Variants in ARHGAP20 observed in about 807,000 individuals in gnomAD.
The protein encoded by ARHGAP20 is rho GTPase-activating protein 20.
ARHGAP20 carries 34 observed loss-of-function variants against 73.7 expected under a neutral mutation model. The ratio of observed to expected loss-of-function variants is 0.46; its 90% CI spans 0.35 to 0.61. ARHGAP20 has a LOEUF of 0.61. Among genes scored for constraint, ARHGAP20 ranks in the 20% least tolerant of loss-of-function variants. The probability of loss-of-function intolerance (pLI) is 0.00; values close to 1 mark genes in which losing one functional copy is unlikely to be tolerated. For missense variants in ARHGAP20, 1,314 were observed against 1,420.9 expected (o/e 0.92, Z 1.21); for synonymous variants, 523 against 518.2 (o/e 1.01, Z -0.13).
intron 2 of ARHGAP20, among the ~76,000 whole-genome samples, chr11:110,661,712 TAAATTA>T (rs1591152314): frequency 6.6e-6 from 1 of 152,114 alleles, no homozygotes; most frequent in Non-Finnish European, 1.5e-5. Context: ...AATAGATATT[TAAATTA>T]AAAGTACTCT....
At chr11:110,608,657 T>G (rs958172934) in intron 8 of ARHGAP20, among the ~76,000 whole-genome samples, 1 of 152,038 alleles carries the variant, frequency 6.6e-6, no homozygotes, top group African/African-American at 2.4e-5. Context: ...GAAAAATAAA[T>G]GTATGGAGAA....
intron 9 of ARHGAP20, among the ~76,000 whole-genome samples, chr11:110,599,806 G>T (rs1204101612): frequency 6.6e-6 from 1 of 151,988 alleles, no homozygotes; most frequent in Non-Finnish European, 1.5e-5. Flanking sequence ...GACAGCTGCA[G>T]ATGTGAGGAT....
At chr11:110,620,734 A>AAG (rs1948610712) in intron 4 of ARHGAP20, among the ~76,000 whole-genome samples, 1 of 152,184 alleles carries the variant, frequency 6.6e-6, no homozygotes, top group African/African-American at 2.4e-5. Flanking sequence ...TTTTTGCTGA[A>AAG]TACTGTATTC....
At chr11:110,674,138 G>A (rs1294242608) in intron 2 of ARHGAP20, among the ~76,000 whole-genome samples, 2 of 152,022 alleles carry the variant, frequency 1.3e-5, no homozygotes, top group Non-Finnish European at 2.9e-5. Flanking sequence ...GTTTCACCAT[G>A]TTGGCCAGGA....
At chr11:110,612,193 C>A (rs891922600) in intron 6 of ARHGAP20, among the ~76,000 whole-genome samples, 3 of 151,200 alleles carry the variant, frequency 2.0e-5, no homozygotes, top group Non-Finnish European at 4.4e-5. Flanking sequence ...CCGAGGTGGG[C>A]GGGTCATGAG....
intron 1 of ARHGAP20, among the ~76,000 whole-genome samples, chr11:110,694,169 TGAA>T (rs1950293813): frequency 6.6e-6 from 1 of 151,790 alleles, no homozygotes; most frequent in Non-Finnish European, 1.5e-5. Context: ...CAAACAAATA[TGAA>T]GTAGTACCTA....
At chr11:110,614,734 T>C in intron 5 of ARHGAP20, 89 bp from the exon 6 acceptor site, 4 of 835,062 alleles carry the variant, frequency 4.8e-6, no homozygotes. Context: ...ATTTTGCTAA[T>C]ATTTCCAATA....
chr11:110,645,088 C>T (rs1043803634), intron 2 of ARHGAP20, among the ~76,000 whole-genome samples: 1 of 151,992 alleles, frequency 6.6e-6, no homozygotes, highest in African/African-American at 2.4e-5. Context: ...TGGCTCACTG[C>T]AACCTCTGCC....
At chr11:110,702,710 G>A (rs1318621683) in intron 1 of ARHGAP20, among the ~76,000 whole-genome samples, 2 of 152,226 alleles carry the variant, frequency 1.3e-5, no homozygotes, top group Admixed American at 1.3e-4. Flanking sequence ...ATCAATGTGT[G>A]AAAATCACAA....
At chr11:110,586,195 T>C in intron 12 of ARHGAP20, 21 bp downstream of exon 12, 3 of 1,277,148 alleles carry the variant, frequency 2.3e-6, no homozygotes, top group Non-Finnish European at 3.1e-6. Flanking sequence ...TTTTGAGACA[T>C]GACCAAATTA....
intron 2 of ARHGAP20, 74 bp from the exon 3 acceptor site, chr11:110,630,866 A>ATT: frequency 6.8e-7 from 1 of 1,473,420 alleles, no homozygotes; most frequent in South Asian, 1.3e-5. Context: ...AAATTCTGTA[A>ATT]TTTTTTTTAA....
Position 110,577,481 on chromosome 11 carries a change from A to G in ARHGAP20, c.*1889T>C. On this transcript the variant is annotated 3_prime_UTR_variant, in exon 15 of 15. Transcript: ENST00000683387. ...TTTACCTGCTAACATGAAAAAAAAAAAAAAGGCAATTTCTTCCAGAAAGAC... is the reference window on the plus strand; with the variant it reads ...TTTACCTGCTAACATGAAAAAAAAAGAAAAGGCAATTTCTTCCAGAAAGAC... 1 of 1,028,228 alleles carries G rather than the reference A, an allele frequency of 9.7e-7. No homozygotes were observed. The highest frequency in any genetic ancestry group is 1.2e-6 in the Non-Finnish European group (1 of 858,274). 63.7% of individuals were successfully genotyped at this position (1,028,228 alleles called of 1,614,324 possible).
At chr11:110,663,163 G>A (rs1949651467) in intron 2 of ARHGAP20, among the ~76,000 whole-genome samples, 1 of 151,384 alleles carries the variant, frequency 6.6e-6, no homozygotes, top group Non-Finnish European at 1.5e-5. Context: ...CAAATTAAGT[G>A]CAAAATATGA....
At position 110,578,698 on chromosome 11, in the gene ARHGAP20, A is replaced by G. The variant is rs1251991497; in HGVS notation, c.*672T>C. The G allele has an allele frequency of 2.0e-6, 2 of 985,278 alleles. No individual in the cohort carries two copies. Among genetic ancestry groups the G allele is most frequent in the African/African-American group, 1.7e-5 (1 of 57,228 alleles). 61.0% of individuals were successfully genotyped at this position (985,278 alleles called of 1,614,324 possible). On this transcript the variant is annotated 3_prime_UTR_variant, in exon 15 of 15. Coordinates refer to ENST00000683387, the MANE Select transcript of ARHGAP20 (RefSeq NM_001384657.1). ...AAAGCACTTCAACATGAATGAAAAA[A>G]CAAACCGACAAATACAACCAACAAA...
At chr11:110,621,615 AT>A (rs963673757) in intron 4 of ARHGAP20, among the ~76,000 whole-genome samples, 6 of 151,836 alleles carry the variant, frequency 4.0e-5, no homozygotes, top group Non-Finnish European at 5.9e-5. Context: ...CCTTTTTAGT[AT>A]TTTTTATTTC....
intron 3 of ARHGAP20, among the ~76,000 whole-genome samples, chr11:110,624,908 C>T (rs1415761714): frequency 3.9e-5 from 6 of 152,060 alleles, no homozygotes; most frequent in Non-Finnish European, 8.8e-5. Flanking sequence ...AACCTAACTT[C>T]AAATGTACTG....
chr11:110,590,921 G>T, intron 10 of ARHGAP20, 112 bp from the exon 11 acceptor site: 1 of 1,086,806 alleles, frequency 9.2e-7, no homozygotes, highest in Non-Finnish European at 1.3e-6. Context: ...TAAAAGCACT[G>T]AAGGATTGGA....
chr11:110,700,195 C>A (rs1170255688), intron 1 of ARHGAP20, among the ~76,000 whole-genome samples: 2 of 151,858 alleles, frequency 1.3e-5, no homozygotes, highest in East Asian at 3.9e-4. Flanking sequence ...AGGTGAACTG[C>A]AATTTTTCAT....
In ARHGAP20 at chr11:110,592,036, G is replaced by C. The variant is rs889839077; in HGVS notation, c.1084C>G (p.Leu362Val). 1 of 1,614,122 alleles carries C rather than the reference G, an allele frequency of 6.2e-7. No individual in the cohort carries two copies. Among genetic ancestry groups the C allele is most frequent in the Middle Eastern group, 1.6e-4 (1 of 6,062 alleles). The part of the protein sequence containing the change: ...SSPTSPMPGQ[L>V]FGISLPNICE... Reference sequence around the variant, plus strand: ...ATATTTGGCAGAGAAATTCCAAAGAGCTGTCCTGGCATAGGTGATGTTGGC... The same window carrying C: ...ATATTTGGCAGAGAAATTCCAAAGACCTGTCCTGGCATAGGTGATGTTGGC... The change falls in exon 10 of 15, where the codon CTC becomes GTC. Residue 362 changes from leucine (L) to valine (V), a missense_variant. Coordinates refer to ENST00000683387, the MANE Select transcript of ARHGAP20 (RefSeq NM_001384657.1).
Sources: gnomAD v4.1 joint callset for allele counts (sites outside exome capture counted in the v4.1 genomes callset) on GRCh38, gnomAD v4.1.1 for gene constraint, MANE v1.5 for transcripts, NCBI Gene and HGNC (gene_info 2026-07-23, HGNC 2026-07-21) for gene names.